Variants in FHL2 observed in about 807,000 individuals in gnomAD.
FHL2 encodes four and a half LIM domains protein 2.
A neutral mutation model predicts 32.7 loss-of-function variants in FHL2; 20 were observed. The observed-to-expected ratio is 0.61, with a 90% CI of 0.43 to 0.89. The LOEUF is 0.89. FHL2 is among the 40% of genes least tolerant of loss of function. The pLI is 0.00. For synonymous variants in FHL2, 123 were observed against 128.1 expected (o/e 0.96, Z 0.27); for missense variants, 311 against 358.6 (o/e 0.87, Z 1.07).
Position 105,373,575 on chromosome 2 carries a change from C to A in FHL2, c.315G>T (p.Lys105Asn). Residue 105 changes from lysine to asparagine, a missense_variant, in exon 4 of 7, where the codon AAG becomes AAT. Coordinates refer to ENST00000530340, the MANE Select transcript of FHL2 (RefSeq NM_001318895.3). ...CCTCCTGACCTGGCATGATGGTCTTCTTGCATTCCTGGCACTTGGATGAGT... is the reference window on the plus strand; with the variant it reads ...CCTCCTGACCTGGCATGATGGTCTTATTGCATTCCTGGCACTTGGATGAGT... The part of the protein sequence containing the change: ...NEYSSKCQEC[K>N]KTIMPGTRKM... 6.2e-7 allele frequency: 1 copy of A among 1,614,244 alleles called. No individual in the cohort carries two copies. The highest frequency in any genetic ancestry group is 8.5e-7 in the Non-Finnish European group (1 of 1,180,050).
chr2:105,395,275 A>G (rs1219388653), intron 2 of FHL2, among the ~76,000 whole-genome samples: 3 of 152,250 alleles, frequency 2.0e-5, no homozygotes, highest in East Asian at 1.9e-4. Flanking sequence ...GGGTCCGTCA[A>G]TCACACCAGT....
chr2:105,425,021 T>C (rs1684216371), intron 1 of FHL2, among the ~76,000 whole-genome samples: 1 of 151,724 alleles, frequency 6.6e-6, no homozygotes. Flanking sequence ...AAAGTATATA[T>C]ATATTGTAGG....
chr2:105,426,202 G>A (rs149272752), intron 1 of FHL2, among the ~76,000 whole-genome samples: 4 of 152,288 alleles, frequency 2.6e-5, no homozygotes, highest in African/African-American at 9.6e-5. Flanking sequence ...TGGAAAAACA[G>A]GTTCTCTGCT....
chr2:105,365,089 A>G (rs555765297), intron 5 of FHL2, among the ~76,000 whole-genome samples: 4 of 152,054 alleles, frequency 2.6e-5, no homozygotes, highest in Admixed American at 6.6e-5. Context: ...CATGCTTCCC[A>G]CCCACATCAG....
At chr2:105,435,246 T>G (rs1165314095) in intron 1 of FHL2, among the ~76,000 whole-genome samples, 1 of 152,232 alleles carries the variant, frequency 6.6e-6, no homozygotes, top group Non-Finnish European at 1.5e-5. Context: ...ACTTTTGAGC[T>G]ATTGCACTGT....
intron 1 of FHL2, among the ~76,000 whole-genome samples, chr2:105,416,110 T>C (rs1301443954): frequency 2.0e-5 from 3 of 152,212 alleles, no homozygotes; most frequent in Non-Finnish European, 2.9e-5. Context: ...TTTATGTAGG[T>C]TATATCTATT....
upstream of FHL2, among the ~76,000 whole-genome samples, chr2:105,403,247 A>T (rs935971599): frequency 2.6e-5 from 4 of 152,254 alleles, no homozygotes; most frequent in Admixed American, 2.6e-4. Flanking sequence ...AGAAGAATTA[A>T]GGTTCAGATC....
At chr2:105,392,209 A>G (rs2104609542) in intron 2 of FHL2, among the ~76,000 whole-genome samples, 1 of 152,346 alleles carries the variant, frequency 6.6e-6, no homozygotes, top group African/African-American at 2.4e-5. Context: ...ACAGAGGCTC[A>G]TGCCTGTAGT....
intron 1 of FHL2, among the ~76,000 whole-genome samples, chr2:105,408,673 G>C (rs1296364804): frequency 1.3e-5 from 2 of 152,188 alleles, no homozygotes; most frequent in East Asian, 1.9e-4. Flanking sequence ...GCATACACAT[G>C]ATGGCCCTGA....
chr2:105,402,076 T>TACATGTAC (rs1683483584), upstream of FHL2, among the ~76,000 whole-genome samples: 1 of 149,266 alleles, frequency 6.7e-6, no homozygotes, highest in African/African-American at 2.5e-5. Context: ...CATATACATG[T>TACATGTAC]ATATATGTGT....
At chr2:105,384,751 A>C (rs140458168) in intron 3 of FHL2, among the ~76,000 whole-genome samples, 8 of 152,096 alleles carry the variant, frequency 5.3e-5, no homozygotes, top group African/African-American at 1.9e-4. Flanking sequence ...CAATTGATTC[A>C]CCCGCCTTGG....
chr2:105,421,337 C>A (rs1312102387), intron 1 of FHL2, among the ~76,000 whole-genome samples: 1 of 152,120 alleles, frequency 6.6e-6, no homozygotes, highest in East Asian at 1.9e-4. Context: ...GTTCAAAGAC[C>A]AGCAACCCAA....
At chr2:105,370,576 G>C (rs930338916) in intron 4 of FHL2, among the ~76,000 whole-genome samples, 1 of 152,110 alleles carries the variant, frequency 6.6e-6, no homozygotes, top group African/African-American at 2.4e-5. Context: ...TGACTTGTGT[G>C]GGGGGTGTGG....
chr2:105,397,321 T>TA (rs1279970904), intron 1 of FHL2, among the ~76,000 whole-genome samples: 3 of 152,170 alleles, frequency 2.0e-5, no homozygotes, highest in Admixed American at 6.5e-5. Context: ...TCTTTACCTG[T>TA]AAAAATGAGG....
chr2:105,407,276 C>G (rs1384535271), intron 1 of FHL2, among the ~76,000 whole-genome samples: 2 of 151,562 alleles, frequency 1.3e-5, no homozygotes, highest in Non-Finnish European at 2.9e-5. Context: ...CCTGTAGTCC[C>G]AGCTACTCAG....
upstream of FHL2, among the ~76,000 whole-genome samples, chr2:105,400,351 T>G (rs192410881): frequency 3.3e-5 from 5 of 152,230 alleles, no homozygotes; most frequent in East Asian, 9.7e-4. Flanking sequence ...CAGAACTAGA[T>G]GTGCGGAATA....
At chr2:105,368,334 G>GT (rs923516898) in intron 4 of FHL2, among the ~76,000 whole-genome samples, 81 of 151,728 alleles carry the variant, frequency 5.3e-4, no homozygotes, top group African/African-American at 1.4e-3. Context: ...CCTACATGTA[G>GT]TTTTTTTTTG....
upstream of FHL2, among the ~76,000 whole-genome samples, chr2:105,402,407 C>A (rs188758173): frequency 8.3e-4 from 126 of 152,026 alleles, no homozygotes; most frequent in African/African-American, 3.0e-3. Context: ...CCACCATACC[C>A]GGCTAATTTT....
chr2:105,433,665 C>T (rs1333603953), intron 1 of FHL2, among the ~76,000 whole-genome samples: 1 of 152,108 alleles, frequency 6.6e-6, no homozygotes, highest in Non-Finnish European at 1.5e-5. Context: ...AGGAACACTC[C>T]TCATAGAGCC....
Sources: gnomAD v4.1 joint callset for allele counts (sites outside exome capture counted in the v4.1 genomes callset) on GRCh38, gnomAD v4.1.1 for gene constraint, MANE v1.5 for transcripts, NCBI Gene and HGNC (gene_info 2026-07-23, HGNC 2026-07-21) for gene names.